The following CNTNAP5 variants were observed in gnomAD, a reference collection of about 807,000 sequenced individuals.
CNTNAP5 encodes the protein contactin associated protein family member 5.
In CNTNAP5, 72 loss-of-function variants were observed where a neutral mutation model predicts 150.2. The observed-to-expected ratio is 0.48, with a 90% CI of 0.40 to 0.58. The LOEUF is 0.58. Ranked by LOEUF, CNTNAP5 falls within the 20% of genes least tolerant of loss-of-function variation. CNTNAP5 has a pLI of 0.00. For synonymous variants in CNTNAP5, 672 were observed against 619.8 expected (o/e 1.08, Z -1.25); for missense variants, 1,636 against 1,626.2 (o/e 1.01, Z -0.10).
intron 1 of CNTNAP5, among the ~76,000 whole-genome samples, chr2:124,093,395 A>T (rs1196092998): frequency 1.3e-5 from 2 of 152,222 alleles, no homozygotes; most frequent in Non-Finnish European, 2.9e-5. Flanking sequence ...TACTATTATG[A>T]TTGCTGCCTG....
chr2:124,716,467 T>C (rs1015527928), intron 13 of CNTNAP5, among the ~76,000 whole-genome samples: 6 of 151,954 alleles, frequency 3.9e-5, no homozygotes, highest in Non-Finnish European at 8.8e-5. Flanking sequence ...GTAGTAATAG[T>C]ACAAGCTATA....
At chr2:124,501,832 A>G (rs1694285499) in intron 7 of CNTNAP5, among the ~76,000 whole-genome samples, 1 of 152,152 alleles carries the variant, frequency 6.6e-6, no homozygotes, top group African/African-American at 2.4e-5. Flanking sequence ...GCTGGGTCAG[A>G]TTCTGTGTAG....
rs1189077329 is a variant in CNTNAP5, at chr2:124,919,112, G to GA, written c.*4830dup. Among the ~76,000 whole-genome samples, 6 of 151,976 alleles carry GA rather than the reference G, an allele frequency of 3.9e-5. No individual in the cohort carries two copies. Among genetic ancestry groups the GA allele is most frequent in the Admixed American group, 1.3e-4 (2 of 15,246 alleles). On this transcript the variant is annotated 3_prime_UTR_variant, in exon 24 of 24. Coordinates refer to ENST00000682447, the MANE Select transcript of CNTNAP5 (RefSeq NM_001367498.1). ...TTCCAAATTTGAACCACCTAAAGGGGAAAAAATGCAACACACACACGCACG... is the reference window on the plus strand; with the variant it reads ...TTCCAAATTTGAACCACCTAAAGGGGAAAAAAATGCAACACACACACGCACG...
intron 21 of CNTNAP5, among the ~76,000 whole-genome samples, chr2:124,878,072 T>A (rs1677896490): frequency 6.6e-6 from 1 of 152,108 alleles, no homozygotes; most frequent in South Asian, 2.1e-4. Flanking sequence ...TGCCACAGTT[T>A]GGTTTTTAAG....
chr2:124,177,163 T>G (rs180698796), intron 1 of CNTNAP5, among the ~76,000 whole-genome samples: 111 of 152,228 alleles, frequency 7.3e-4, no homozygotes, highest in African/African-American at 2.4e-3. Flanking sequence ...AATGTCTTTA[T>G]GGCCAGTTTT....
chr2:124,821,225 G>A (rs1682479446), intron 19 of CNTNAP5, among the ~76,000 whole-genome samples: 1 of 152,194 alleles, frequency 6.6e-6, no homozygotes, highest in African/African-American at 2.4e-5. Flanking sequence ...GATAAGAAAA[G>A]AGAGGGACAG....
chr2:124,087,924 A>G (rs1250217672), intron 1 of CNTNAP5, among the ~76,000 whole-genome samples: 5 of 152,208 alleles, frequency 3.3e-5, no homozygotes, highest in Admixed American at 6.5e-5. Context: ...GGGTCTTGCT[A>G]TGGATTCATT....
intron 20 of CNTNAP5, among the ~76,000 whole-genome samples, chr2:124,866,860 A>G (rs1311519788): frequency 1.3e-5 from 2 of 152,190 alleles, no homozygotes; most frequent in African/African-American, 2.4e-5. Flanking sequence ...CTTTACTTAT[A>G]CTGCTAACAA....
intron 19 of CNTNAP5, among the ~76,000 whole-genome samples, chr2:124,845,444 T>A (rs1683029454): frequency 1.3e-5 from 2 of 151,896 alleles, no homozygotes; most frequent in Non-Finnish European, 2.9e-5. Flanking sequence ...TAGTATTTTT[T>A]TTTTTTTTTG....
At chr2:124,532,792 TGA>T (rs1218416155) in intron 10 of CNTNAP5, among the ~76,000 whole-genome samples, 1 of 152,200 alleles carries the variant, frequency 6.6e-6, no homozygotes, top group African/African-American at 2.4e-5. Context: ...AAGAGTTGAA[TGA>T]GAGAGTGCGA....
At chr2:124,677,868 T>G (rs1171034843) in intron 13 of CNTNAP5, among the ~76,000 whole-genome samples, 1 of 151,866 alleles carries the variant, frequency 6.6e-6, no homozygotes, top group Non-Finnish European at 1.5e-5. Context: ...CTCTCAATAA[T>G]TCAGCCGAGA....
intron 3 of CNTNAP5, among the ~76,000 whole-genome samples, chr2:124,250,109 G>C (rs1397965601): frequency 6.6e-6 from 1 of 152,098 alleles, no homozygotes; most frequent in Non-Finnish European, 1.5e-5. Flanking sequence ...CCTCTGTAAA[G>C]TGGATGTAAT....
At chr2:124,489,689 G>T (rs983537179) in intron 7 of CNTNAP5, among the ~76,000 whole-genome samples, 1 of 152,056 alleles carries the variant, frequency 6.6e-6, no homozygotes, top group African/African-American at 2.4e-5. Context: ...AAGTAGTCAG[G>T]TATCCAGATC....
intron 4 of CNTNAP5, among the ~76,000 whole-genome samples, chr2:124,431,599 CAT>C (rs1309821276): frequency 7.0e-6 from 1 of 143,100 alleles, no homozygotes; most frequent in Middle Eastern, 3.4e-3. Flanking sequence ...TTTATATAAA[CAT>C]TATATATAAT....
At chr2:124,303,505 G>C (rs1301331939) in intron 3 of CNTNAP5, among the ~76,000 whole-genome samples, 1 of 152,148 alleles carries the variant, frequency 6.6e-6, no homozygotes, top group Non-Finnish European at 1.5e-5. Context: ...CAGCAACCAA[G>C]ACAGGTGTTC....
At chr2:124,412,266 G>A (rs1274117908) in intron 3 of CNTNAP5, among the ~76,000 whole-genome samples, 1,758 of 149,562 alleles carry the variant, frequency 0.012, 27 homozygotes, top group African/African-American at 0.04. Context: ...CATGCTCATG[G>A]GTAGGAAGAA....
At chr2:124,578,989 T>A (rs1397505249) in intron 11 of CNTNAP5, among the ~76,000 whole-genome samples, 1 of 152,142 alleles carries the variant, frequency 6.6e-6, no homozygotes, top group Non-Finnish European at 1.5e-5. Context: ...CTTTTATTTG[T>A]GAAAGATTTT....
Position 124,068,295 on chromosome 2 carries a change from G to A in CNTNAP5, c.82+42563G>A, listed in dbSNP as rs116688825. 5.7e-3 allele frequency among the ~76,000 whole-genome samples: 873 copies of A among 152,208 alleles called. 7 individuals carry two copies. The highest frequency in any genetic ancestry group is 0.019 in the African/African-American group (808 of 41,542). On this transcript the variant is annotated intron_variant, in intron 1 of 23. Coordinates refer to ENST00000682447, the MANE Select transcript of CNTNAP5 (RefSeq NM_001367498.1). ...TCTGTATACCTCAGGGAGACAGAGC[G>A]CAGCAACTGGTGGACTTTGCATTGA... is the stretch of plus-strand genomic sequence containing the variant.
intron 3 of CNTNAP5, among the ~76,000 whole-genome samples, chr2:124,282,251 T>C (rs559182669): frequency 6.6e-6 from 1 of 152,302 alleles, no homozygotes; most frequent in Non-Finnish European, 1.5e-5. Context: ...AATGTTTAGC[T>C]ACAACAAACC....
Sources: gnomAD v4.1 joint callset for allele counts (sites outside exome capture counted in the v4.1 genomes callset) on GRCh38, gnomAD v4.1.1 for gene constraint, MANE v1.5 for transcripts, NCBI Gene and HGNC (gene_info 2026-07-23, HGNC 2026-07-21) for gene names.